Variants in SHANK2 observed in about 807,000 individuals in gnomAD.
The protein encoded by SHANK2 is SH3 and multiple ankyrin repeat domains 2.
Under a neutral mutation model 133.7 loss-of-function variants are expected in SHANK2, and 43 were observed. The observed-to-expected ratio is 0.32, with a 90% CI of 0.25 to 0.41. SHANK2 has a LOEUF of 0.41. Ranked by LOEUF, SHANK2 falls within the 10% of genes least tolerant of loss-of-function variation. The probability of loss-of-function intolerance (pLI) is 1.00; values close to 1 mark genes in which losing one functional copy is unlikely to be tolerated. For synonymous variants in SHANK2, 1,017 were observed against 952.8 expected (o/e 1.07, Z -1.24); for missense variants, 1,994 against 2,235.8 (o/e 0.89, Z 2.18).
chr11:70,833,854 G>A (rs1288654749), intron 11 of SHANK2, among the ~76,000 whole-genome samples: 2 of 152,246 alleles, frequency 1.3e-5, no homozygotes, highest in East Asian at 3.9e-4. Flanking sequence ...GGCAGTGGAA[G>A]GCCATCAGGC....
intron 12 of SHANK2, among the ~76,000 whole-genome samples, chr11:70,819,227 G>A (rs2135338406): frequency 6.6e-6 from 1 of 152,384 alleles, no homozygotes; most frequent in South Asian, 2.1e-4. Flanking sequence ...CCAGATGCCA[G>A]AGCCAGGGGC....
rs782325115 is a variant in SHANK2 at position 70,486,047 on chromosome 11, C to G, written c.4246G>C (p.Glu1416Gln). 1 of 1,612,468 alleles carries G rather than the reference C, an allele frequency of 6.2e-7. No individual in the cohort carries two copies. The highest frequency in any genetic ancestry group is 1.7e-5 in the Admixed American group (1 of 59,882). Residue 1416 changes from glutamate to glutamine, a missense_variant, in exon 25 of 26, where the codon GAA (glutamate) becomes CAA (glutamine). Coordinates refer to ENST00000601538, the MANE Select transcript of SHANK2 (RefSeq NM_012309.5). The surrounding 1 kb of genome is among the most constrained non-coding windows in gnomAD (Gnocchi z 8.0). ...GGGATATCAAAACTATTTGCAAATT[C>G]CAGGGGAGGAGGCAATGGCTCTGTA... ...IFTEPLPPPL[E>Q]FANSFDIPDD...
chr11:71,229,434 T>G (rs1462820064), intron 1 of SHANK2, among the ~76,000 whole-genome samples: 6 of 152,186 alleles, frequency 3.9e-5, no homozygotes, highest in Admixed American at 2.6e-4. Flanking sequence ...ATCATGCAGA[T>G]AGCAAAATTA....
intron 14 of SHANK2, among the ~76,000 whole-genome samples, chr11:70,743,098 G>A (rs567719008): frequency 3.9e-5 from 6 of 152,126 alleles, no homozygotes; most frequent in South Asian, 2.1e-4. Context: ...TGCATCTGCC[G>A]GTGCTGAGCG....
chr11:70,757,759 C>T (rs1946904503), intron 14 of SHANK2, among the ~76,000 whole-genome samples: 1 of 152,138 alleles, frequency 6.6e-6, no homozygotes, highest in Non-Finnish European at 1.5e-5. Context: ...GACTCTATAT[C>T]GAGTCCTGCG....
At chr11:70,608,139 A>C (rs563697142) in intron 17 of SHANK2, among the ~76,000 whole-genome samples, 1 of 152,244 alleles carries the variant, frequency 6.6e-6, no homozygotes, top group Non-Finnish European at 1.5e-5. Context: ...CCTAATTTGC[A>C]AGAGATTTTT....
chr11:70,682,448 G>C (rs1347521357), intron 15 of SHANK2, among the ~76,000 whole-genome samples: 4 of 152,214 alleles, frequency 2.6e-5, no homozygotes, highest in African/African-American at 9.6e-5. Flanking sequence ...AGACCTGCCT[G>C]GCCAACATGG....
At position 70,605,559 on chromosome 11, in the gene SHANK2, C is replaced by T. The variant is rs150236720; in HGVS notation, c.2061+54269G>A. On this transcript the variant is annotated intron_variant, in intron 17 of 25. Coordinates refer to ENST00000601538, the MANE Select transcript of SHANK2 (RefSeq NM_012309.5). ...AGATTTCTTAATGGCCGGCTGCCTC[C>T]GGTGGCCTTATTTTTAGCCATTTCC... Among the ~76,000 whole-genome samples, 146 of 152,344 alleles carry T rather than the reference C, an allele frequency of 9.6e-4. 1 individual carries two copies. Among genetic ancestry groups the T allele is most frequent in the Middle Eastern group, 6.8e-3 (2 of 294 alleles).
chr11:71,208,219 C>G (rs1555118320), intron 2 of SHANK2, among the ~76,000 whole-genome samples: 1 of 151,958 alleles, frequency 6.6e-6, no homozygotes, highest in African/African-American at 2.4e-5. Context: ...GGGGCATGAG[C>G]TGGAAGTGGG....
At chr11:70,597,958 C>A (rs549373396) in intron 17 of SHANK2, among the ~76,000 whole-genome samples, 7 of 152,348 alleles carry the variant, frequency 4.6e-5, no homozygotes, top group South Asian at 2.1e-4. Flanking sequence ...CTGAGAGAGG[C>A]CTTGCGGGCA....
At chr11:70,688,194 G>A (rs782192743) in intron 15 of SHANK2, among the ~76,000 whole-genome samples, 1 of 152,166 alleles carries the variant, frequency 6.6e-6, no homozygotes, top group Non-Finnish European at 1.5e-5. Flanking sequence ...AACAGTTGCT[G>A]AGCTGGATCC....
At chr11:70,484,288 G>T (rs2058772797) in intron 25 of SHANK2, among the ~76,000 whole-genome samples, 1 of 152,188 alleles carries the variant, frequency 6.6e-6, no homozygotes, top group South Asian at 2.1e-4. Context: ...CTGGTGGGAG[G>T]TGATCAGATC....
chr11:70,715,686 G>A (rs1945898982), intron 14 of SHANK2, among the ~76,000 whole-genome samples: 1 of 152,260 alleles, frequency 6.6e-6, no homozygotes. Context: ...GGAAATTAGA[G>A]TAAATGGATG....
intron 10 of SHANK2, among the ~76,000 whole-genome samples, chr11:70,921,003 A>G (rs1555080604): frequency 1.3e-5 from 2 of 152,216 alleles, no homozygotes; most frequent in Non-Finnish European, 2.9e-5. Context: ...CTTCCCTGAA[A>G]AATGGCTGAT....
intron 6 of SHANK2, among the ~76,000 whole-genome samples, chr11:71,102,736 C>T (rs552911705): frequency 3.9e-5 from 6 of 152,344 alleles, no homozygotes; most frequent in Non-Finnish European, 5.9e-5. Flanking sequence ...GACCCCTGTT[C>T]GTCCCACTGC....
At chr11:71,088,063 C>T (rs1951442531) in intron 8 of SHANK2, among the ~76,000 whole-genome samples, 2 of 152,176 alleles carry the variant, frequency 1.3e-5, no homozygotes, top group African/African-American at 4.8e-5. Context: ...GCTCTCAAAA[C>T]CAGTAGACTA....
intron 17 of SHANK2, among the ~76,000 whole-genome samples, chr11:70,588,234 A>G (rs2060278906): frequency 6.6e-6 from 1 of 152,230 alleles, no homozygotes; most frequent in Non-Finnish European, 1.5e-5. Flanking sequence ...AAAAAAAGAA[A>G]TAAGGCCAAT....
chr11:70,854,123 G>T (rs922223651), intron 11 of SHANK2, among the ~76,000 whole-genome samples: 5 of 152,146 alleles, frequency 3.3e-5, no homozygotes, highest in Non-Finnish European at 4.4e-5. Flanking sequence ...AAGAAGGTTT[G>T]GATGATTTTC....
At chr11:70,498,728 C>A (rs2059007000) in intron 21 of SHANK2, among the ~76,000 whole-genome samples, 1 of 152,174 alleles carries the variant, frequency 6.6e-6, no homozygotes, top group South Asian at 2.1e-4. Context: ...TGATAAATGA[C>A]CATGCACGGG....
Sources: gnomAD v4.1 joint callset for allele counts (sites outside exome capture counted in the v4.1 genomes callset) on GRCh38, gnomAD v4.1.1 for gene constraint, Gnocchi (gnomAD v3.1) non-coding constraint, MANE v1.5 for transcripts, NCBI Gene and HGNC (gene_info 2026-07-23, HGNC 2026-07-21) for gene names.